The following NGEF variants were observed in gnomAD, a reference collection of about 807,000 sequenced individuals.
NGEF encodes the protein neuronal guanine nucleotide exchange factor, also known as ephexin-1.
In NGEF, 31 loss-of-function variants were observed where a neutral mutation model predicts 80.9. The observed-to-expected ratio is 0.38, with a 90% CI of 0.29 to 0.52. The LOEUF is 0.52. Among genes scored for constraint, NGEF ranks in the 20% least tolerant of loss-of-function variants. The probability of loss-of-function intolerance (pLI) is 0.84; values close to 1 mark genes in which losing one functional copy is unlikely to be tolerated. For missense variants in NGEF, 709 were observed against 926.2 expected (o/e 0.77, Z 3.04); for synonymous variants, 371 against 370.2 (o/e 1.00, Z -0.03).
At chr2:232,914,527 A>G (rs1692752922) in intron 5 of NGEF, among the ~76,000 whole-genome samples, 1 of 151,588 alleles carries the variant, frequency 6.6e-6, no homozygotes, top group Non-Finnish European at 1.5e-5. Flanking sequence ...TCATGGTGAA[A>G]CCCTATCTCT....
intron 3 of NGEF, among the ~76,000 whole-genome samples, chr2:232,944,562 T>TA (rs1319462650): frequency 6.6e-6 from 1 of 151,528 alleles, no homozygotes; most frequent in Admixed American, 6.6e-5. Flanking sequence ...GGGATGGAGT[T>TA]ATCTGTGCTG....
chr2:233,002,532 C>G (rs1026867662), intron 1 of NGEF, among the ~76,000 whole-genome samples: 1 of 152,030 alleles, frequency 6.6e-6, no homozygotes, highest in Non-Finnish European at 1.5e-5. Context: ...AAAAAATTAG[C>G]CAGGGGTGGT....
At chr2:232,939,390 A>ATGGT (rs1693395348) in intron 3 of NGEF, among the ~76,000 whole-genome samples, 1 of 152,204 alleles carries the variant, frequency 6.6e-6, no homozygotes, top group Non-Finnish European at 1.5e-5. Flanking sequence ...ATTTAGTGCT[A>ATGGT]AAATGCATTC....
intron 5 of NGEF, among the ~76,000 whole-genome samples, chr2:232,906,316 C>G (rs1220321744): frequency 6.3e-5 from 8 of 126,298 alleles, no homozygotes; most frequent in Non-Finnish European, 1.2e-4. Context: ...GCCCCTCTGC[C>G]CGGCCACCAC....
At chr2:232,968,093 C>CGTTTTTTTTTTTTTTTTT (rs1694101904) in intron 3 of NGEF, among the ~76,000 whole-genome samples, 1 of 125,782 alleles carries the variant, frequency 8.0e-6, no homozygotes, top group African/African-American at 3.4e-5. Flanking sequence ...ACAGACCTGG[C>CGTTTTTTTTTTTTTTTTT]TTTTTTTTTT....
Position 232,888,215 on chromosome 2 carries a change from G to A in NGEF, c.1273-108C>T, listed in dbSNP as rs570606573. On this transcript the variant is annotated intron_variant, in intron 8 of 14. Coordinates refer to ENST00000264051, the MANE Select transcript of NGEF (RefSeq NM_019850.3). ...TACTGCACCAGTCCAGCCCCATGCT[G>A]CAGCATGCACACACACACACACGCA... The A allele has an allele frequency of 2.1e-5, 16 of 747,472 alleles. No homozygotes were observed. In the African/African-American group the frequency reaches 2.5e-4, roughly 12 times the overall value. The allele number at this position is 747,472 out of a possible 1,614,324, so 46.3% of individuals were successfully genotyped here.
intron 1 of NGEF, among the ~76,000 whole-genome samples, chr2:232,985,994 G>A (rs1431610821): frequency 6.6e-6 from 1 of 150,952 alleles, no homozygotes; most frequent in Non-Finnish European, 1.5e-5. Context: ...AGGACCAGCA[G>A]GCTCTTCCAC....
In NGEF at chr2:232,914,233, C is replaced by A. The variant is rs539839931; in HGVS notation, c.828+6051G>T. Among the ~76,000 whole-genome samples the A allele has an allele frequency of 3.9e-5, 6 of 152,320 alleles. No homozygotes were observed. The South Asian group carries it at 1.2e-3, about 32-fold the overall frequency. ...ACACATTTATTATCTGGCCCTTTAA[C>A]AGAAAGTTTGATGATCTCTGCTCTA... is the stretch of plus-strand genomic sequence containing the variant. On this transcript the variant is annotated intron_variant, in intron 5 of 14. Coordinates refer to ENST00000264051, the MANE Select transcript of NGEF (RefSeq NM_019850.3).
At chr2:233,009,553 C>A (rs1269165478) in intron 1 of NGEF, among the ~76,000 whole-genome samples, 4 of 151,684 alleles carry the variant, frequency 2.6e-5, no homozygotes, top group Non-Finnish European at 5.9e-5. Flanking sequence ...AATCCCAGCA[C>A]TTTGGGAGGC....
At chr2:232,888,194 G>T in intron 8 of NGEF, 87 bp from the exon 9 acceptor site, 1 of 927,350 alleles carries the variant, frequency 1.1e-6, no homozygotes, top group Non-Finnish European at 1.7e-6. Context: ...CCTCCCTACT[G>T]CACCAGTCCA....
intron 14 of NGEF, 135 bp from the exon 15 acceptor site, chr2:232,879,814 C>G: frequency 1.4e-6 from 1 of 700,804 alleles, no homozygotes; most frequent in Non-Finnish European, 2.3e-6. Flanking sequence ...AAGGCAGCGG[C>G]TCTGCACACC....
chr2:232,891,531 G>A, intron 7 of NGEF, 44 bp from the exon 8 acceptor site: 1 of 1,587,208 alleles, frequency 6.3e-7, no homozygotes, highest in Admixed American at 1.7e-5. Flanking sequence ...GCTGCAGGAG[G>A]CATGAACTGG....
chr2:232,906,876 C>T (rs1374083401), intron 5 of NGEF, among the ~76,000 whole-genome samples: 1 of 151,506 alleles, frequency 6.6e-6, no homozygotes, highest in Non-Finnish European at 1.5e-5. Context: ...TGATCTATGA[C>T]CTTACCCCCA....
At chr2:232,993,208 T>TATATATATAAATAAATATATATA (rs1694707120) in intron 1 of NGEF, among the ~76,000 whole-genome samples, 1 of 130,666 alleles carries the variant, frequency 7.7e-6, no homozygotes, top group South Asian at 2.3e-4. Flanking sequence ...ATATATATAT[T>TATATATATAAATAAATATATATA]TGCCCGTATA....
At chr2:232,883,256 G>C in intron 12 of NGEF, 55 bp downstream of exon 12, 1 of 1,535,352 alleles carries the variant, frequency 6.5e-7, no homozygotes, top group Non-Finnish European at 8.8e-7. Context: ...AGGCATCGAG[G>C]CCACACAGAA....
chr2:232,932,195 T>C (rs1486174953), intron 3 of NGEF, among the ~76,000 whole-genome samples: 2 of 135,182 alleles, frequency 1.5e-5, no homozygotes, highest in Non-Finnish European at 3.1e-5. Flanking sequence ...GACAGAATCT[T>C]GCTCTATTGC....
chr2:232,944,891 A>G (rs1395313015), intron 3 of NGEF, among the ~76,000 whole-genome samples: 5 of 151,510 alleles, frequency 3.3e-5, no homozygotes, highest in Non-Finnish European at 7.4e-5. Flanking sequence ...AGCTGGGATT[A>G]CAGGCGCCTG....
chr2:232,893,168 G>A, intron 6 of NGEF, 118 bp from the exon 7 acceptor site: 1 of 1,002,418 alleles, frequency 1.0e-6, no homozygotes, highest in East Asian at 2.6e-5. Context: ...TGCACGGTGA[G>A]CGTACAGGCC....
At chr2:232,885,979 T>C (rs993880375) in intron 9 of NGEF, among the ~76,000 whole-genome samples, 1 of 152,232 alleles carries the variant, frequency 6.6e-6, no homozygotes, top group Non-Finnish European at 1.5e-5. Context: ...TCTATGCAGA[T>C]ACGCAAGAAC....
Sources: gnomAD v4.1 joint callset for allele counts (sites outside exome capture counted in the v4.1 genomes callset) on GRCh38, gnomAD v4.1.1 for gene constraint, MANE v1.5 for transcripts, NCBI Gene and HGNC (gene_info 2026-07-23, HGNC 2026-07-21) for gene names.